Variants in SGCZ observed in about 807,000 individuals in gnomAD.
The protein encoded by SGCZ is sarcoglycan zeta.
SGCZ carries 40 observed loss-of-function variants against 41.3 expected under a neutral mutation model. The observed-to-expected ratio is 0.97, with a 90% CI of 0.75 to 1.26. The LOEUF is 1.26. Among genes scored for constraint, SGCZ ranks in the 50% most tolerant of loss-of-function variants. SGCZ has a pLI of 0.00. For missense variants in SGCZ, 552 were observed against 369.8 expected, an observed-to-expected ratio of 1.49 and a Z score of -4.04; for synonymous variants, 206 against 137.5, an observed-to-expected ratio of 1.50 and a Z score of -3.49.
At chr8:14,324,233 T>G (rs1164313424) in intron 2 of SGCZ, 29 bp from the exon 3 acceptor site, 1 of 1,522,498 alleles carries the variant, frequency 6.6e-7, no homozygotes, top group Non-Finnish European at 9.1e-7. Context: ...AGTTCACTTT[T>G]AGGTTAATTG....
chr8:14,592,070 C>G (rs897292609), intron 1 of SGCZ, among the ~76,000 whole-genome samples: 4 of 152,256 alleles, frequency 2.6e-5, no homozygotes, highest in African/African-American at 7.2e-5. Flanking sequence ...CAAAATATAG[C>G]AAAGACTTGA....
At chr8:14,569,385 C>A (rs574532879) in intron 1 of SGCZ, among the ~76,000 whole-genome samples, 36 of 152,250 alleles carry the variant, frequency 2.4e-4, no homozygotes, top group Middle Eastern at 3.4e-3. Context: ...TTCTGTTATA[C>A]CAAAATAATT....
intron 1 of SGCZ, among the ~76,000 whole-genome samples, chr8:14,935,558 T>G (rs1029210111): frequency 6.6e-6 from 1 of 151,900 alleles, no homozygotes. Flanking sequence ...CTTAAGATCA[T>G]TGAATCACTT....
intron 1 of SGCZ, among the ~76,000 whole-genome samples, chr8:14,988,836 A>T (rs1801914444): frequency 6.6e-6 from 1 of 152,158 alleles, no homozygotes; most frequent in African/African-American, 2.4e-5. Context: ...GAAAACTGCT[A>T]CCCTCATTTA....
At chr8:14,384,235 G>A (rs797002397) in intron 2 of SGCZ, among the ~76,000 whole-genome samples, 6 of 152,062 alleles carry the variant, frequency 3.9e-5, no homozygotes, top group Non-Finnish European at 8.8e-5. Flanking sequence ...TTGTCCTTGC[G>A]ATAGTTTGCT....
At chr8:15,220,185 A>G (rs1382263129) in intron 1 of SGCZ, among the ~76,000 whole-genome samples, 1 of 152,178 alleles carries the variant, frequency 6.6e-6, no homozygotes, top group East Asian at 1.9e-4. Context: ...ATATACTAAA[A>G]CCAAAAGTTT....
At chr8:14,961,561 TCTTA>T (rs1800967125) in intron 1 of SGCZ, among the ~76,000 whole-genome samples, 1 of 152,178 alleles carries the variant, frequency 6.6e-6, no homozygotes, top group South Asian at 2.1e-4. Flanking sequence ...TTTGTTAAAC[TCTTA>T]CTTACCTAAT....
intron 1 of SGCZ, among the ~76,000 whole-genome samples, chr8:14,684,644 A>T (rs1332085786): frequency 1.3e-5 from 2 of 152,168 alleles, no homozygotes; most frequent in Admixed American, 1.3e-4. Context: ...CATCTAAATG[A>T]TGCATCTCAA....
chr8:14,922,016 G>C (rs377294405), intron 1 of SGCZ, among the ~76,000 whole-genome samples: 4 of 152,036 alleles, frequency 2.6e-5, no homozygotes, highest in Admixed American at 2.0e-4. Context: ...TTTTATTTAT[G>C]TGAATACCCT....
chr8:14,369,174 T>C (rs1366615250), intron 2 of SGCZ, among the ~76,000 whole-genome samples: 3 of 151,996 alleles, frequency 2.0e-5, no homozygotes, highest in Non-Finnish European at 2.9e-5. Context: ...TTATCAGTTG[T>C]TTCAAGAATG....
At chr8:14,291,089 A>G (rs1016082248) in intron 3 of SGCZ, among the ~76,000 whole-genome samples, 3 of 152,112 alleles carry the variant, frequency 2.0e-5, no homozygotes, top group East Asian at 1.9e-4. Flanking sequence ...GCACAGAAAG[A>G]TATCACTCAT....
intron 1 of SGCZ, among the ~76,000 whole-genome samples, chr8:14,617,700 AT>A (rs1197341300): frequency 6.6e-6 from 1 of 152,190 alleles, no homozygotes; most frequent in Admixed American, 6.5e-5. Context: ...AAAGAGTAGT[AT>A]TTAGCTAGAC....
chr8:14,302,315 G>C (rs1801218979), intron 3 of SGCZ, among the ~76,000 whole-genome samples: 1 of 152,094 alleles, frequency 6.6e-6, no homozygotes. Flanking sequence ...ACGTAATCTT[G>C]ACTAATCCAG....
rs191769590 is a variant in SGCZ, at chr8:14,580,985, C to T, written c.40-26059G>A. On this transcript the variant is annotated intron_variant, in intron 1 of 7. Transcript: ENST00000382080. ...GGCAATTTCAGTAGTAAATGCCTTT[C>T]TTGAGAACCATAGCTACTGCATTAC... Among the ~76,000 whole-genome samples the T allele has an allele frequency of 1.1e-4, 16 of 152,318 alleles. No individual in the cohort carries two copies. The East Asian group carries it at 3.1e-3, about 29-fold the overall frequency.
intron 3 of SGCZ, among the ~76,000 whole-genome samples, chr8:14,272,930 T>G (rs1198342854): frequency 3.3e-5 from 5 of 152,132 alleles, no homozygotes; most frequent in African/African-American, 1.2e-4. Flanking sequence ...GATAAAAAAC[T>G]ATTTTCAGTT....
chr8:14,217,993 G>C (rs1806060408), intron 4 of SGCZ, among the ~76,000 whole-genome samples: 1 of 151,992 alleles, frequency 6.6e-6, no homozygotes, highest in Non-Finnish European at 1.5e-5. Flanking sequence ...TCTGGTAACA[G>C]AGTCTGCAAA....
At chr8:14,760,957 G>A (rs963280858) in intron 1 of SGCZ, among the ~76,000 whole-genome samples, 4 of 152,170 alleles carry the variant, frequency 2.6e-5, no homozygotes, top group African/African-American at 4.8e-5. Flanking sequence ...TGGGTTCAAA[G>A]TTTTGTTAAA....
chr8:15,020,736 C>A (rs1428160887), intron 1 of SGCZ, among the ~76,000 whole-genome samples: 2 of 152,138 alleles, frequency 1.3e-5, no homozygotes, highest in African/African-American at 4.8e-5. Flanking sequence ...CTGTCAAGTT[C>A]TTAGCGAATA....
intron 1 of SGCZ, among the ~76,000 whole-genome samples, chr8:15,202,346 T>G (rs146197465): frequency 4.5e-4 from 68 of 152,342 alleles, no homozygotes; most frequent in African/African-American, 1.5e-3. Flanking sequence ...AATGGCATTT[T>G]CAGCAATCTG....
Sources: gnomAD v4.1 joint callset for allele counts (sites outside exome capture counted in the v4.1 genomes callset) on GRCh38, gnomAD v4.1.1 for gene constraint, MANE v1.5 for transcripts, NCBI Gene and HGNC (gene_info 2026-07-23, HGNC 2026-07-21) for gene names.